Variants in GPR158 observed in about 807,000 individuals in gnomAD.
GPR158 encodes metabotropic glycine receptor.
Under a neutral mutation model 78.2 loss-of-function variants are expected in GPR158, and 30 were observed. The observed-to-expected ratio is 0.38, with a 90% CI of 0.29 to 0.52. The LOEUF is 0.52. GPR158 is among the 20% of genes least tolerant of loss of function. The pLI, the probability that GPR158 is intolerant of heterozygous loss-of-function variation, is 0.83. For missense variants in GPR158, 1,463 were observed against 1,523.5 expected, an observed-to-expected ratio of 0.96 and a Z score of 0.66; for synonymous variants, 581 against 591.1, an observed-to-expected ratio of 0.98 and a Z score of 0.25.
In GPR158 at chr10:25,597,881, G is replaced by A. The variant is rs774770845; in HGVS notation, c.2255G>A (p.Arg752His). Residue 752 changes from arginine (R) to histidine (H), a missense_variant, in exon 11 of 11, where the codon CGT (arginine) becomes CAT (histidine). Arg to His is a conservative substitution (Grantham distance 29). Coordinates refer to ENST00000376351, the MANE Select transcript of GPR158 (RefSeq NM_020752.3). ...CGGTGCTCGAAGAAGGGCCTAGGTCGTTCCATCATGAGACGCATTACGGAG... is the reference window on the plus strand; with the variant it reads ...CGGTGCTCGAAGAAGGGCCTAGGTCATTCCATCATGAGACGCATTACGGAG... ...KKRCSKKGLG[R>H]SIMRRITEIP... 98 of 1,601,670 alleles carry A rather than the reference G, an allele frequency of 6.1e-5. No individual in the cohort carries two copies. The highest frequency in any genetic ancestry group is 7.7e-5 in the Non-Finnish European group (90 of 1,174,940).
At chr10:25,319,900 G>A (rs912997468) in intron 2 of GPR158, among the ~76,000 whole-genome samples, 5 of 147,708 alleles carry the variant, frequency 3.4e-5, no homozygotes, top group African/African-American at 1.2e-4. Flanking sequence ...AATCCAACCA[G>A]GGCCCCTTGC....
chr10:25,257,460 C>G (rs1036631374), intron 2 of GPR158, among the ~76,000 whole-genome samples: 2 of 152,080 alleles, frequency 1.3e-5, no homozygotes, highest in East Asian at 3.9e-4. Context: ...TATGGGCTGC[C>G]AGAAAAAGCT....
intron 4 of GPR158, among the ~76,000 whole-genome samples, chr10:25,454,531 C>T (rs749269486): frequency 6.6e-6 from 1 of 151,970 alleles, no homozygotes; most frequent in Non-Finnish European, 1.5e-5. Context: ...AAAGGTGACA[C>T]GAAGCTATTA....
At chr10:25,302,067 C>CTT (rs200536212) in intron 2 of GPR158, among the ~76,000 whole-genome samples, 36 of 133,962 alleles carry the variant, frequency 2.7e-4, no homozygotes, top group African/African-American at 7.5e-4. Context: ...TAATTTGTTC[C>CTT]TTTTTTTTTT....
chr10:25,483,379 C>T (rs182102784), intron 5 of GPR158, among the ~76,000 whole-genome samples: 98 of 152,134 alleles, frequency 6.4e-4, no homozygotes, highest in African/African-American at 1.2e-3. Context: ...TTTCCTCCCC[C>T]CTTTCATGTC....
intron 2 of GPR158, among the ~76,000 whole-genome samples, chr10:25,342,972 C>T (rs1855324761): frequency 6.6e-6 from 1 of 151,634 alleles, no homozygotes; most frequent in African/African-American, 2.4e-5. Flanking sequence ...AGAGTTGCAT[C>T]TTCTTAGGGT....
At chr10:25,227,707 TAA>T (rs1853393027) in intron 2 of GPR158, among the ~76,000 whole-genome samples, 1 of 152,174 alleles carries the variant, frequency 6.6e-6, no homozygotes, top group Non-Finnish European at 1.5e-5. Flanking sequence ...ATTTATAATT[TAA>T]AAGATATCAT....
intron 5 of GPR158, among the ~76,000 whole-genome samples, chr10:25,490,552 T>C (rs1051713654): frequency 6.8e-6 from 1 of 147,622 alleles, no homozygotes; most frequent in African/African-American, 2.5e-5. Flanking sequence ...GTTTGGTTTT[T>C]TGTTCTTGCG....
intron 2 of GPR158, among the ~76,000 whole-genome samples, chr10:25,365,649 A>G (rs1168530405): frequency 6.6e-6 from 1 of 151,728 alleles, no homozygotes; most frequent in Admixed American, 6.6e-5. Context: ...TCTATCAAAT[A>G]AGTCATAATA....
intron 5 of GPR158, among the ~76,000 whole-genome samples, chr10:25,524,903 C>T (rs535965359): frequency 1.4e-4 from 21 of 152,162 alleles, no homozygotes; most frequent in African/African-American, 5.1e-4. Flanking sequence ...GACTTATATC[C>T]AGAATATTAC....
intron 1 of GPR158, among the ~76,000 whole-genome samples, chr10:25,206,066 A>G (rs1853024593): frequency 6.6e-6 from 1 of 151,456 alleles, no homozygotes; most frequent in African/African-American, 2.4e-5. Flanking sequence ...GCTCACTGCA[A>G]ACTCTGCCTC....
chr10:25,479,575 T>C (rs866089), intron 5 of GPR158, among the ~76,000 whole-genome samples: 104,131 of 151,850 alleles, frequency 0.69, 36,154 homozygotes, highest in East Asian at 0.99. Context: ...TCACCTCACC[T>C]GGCTAGTTTT....
intron 2 of GPR158, among the ~76,000 whole-genome samples, chr10:25,326,170 G>A (rs113918957): frequency 1.2e-4 from 18 of 152,132 alleles, no homozygotes; most frequent in South Asian, 2.1e-4. Context: ...ATTGTTCAGC[G>A]ACCATTTATA....
intron 2 of GPR158, among the ~76,000 whole-genome samples, chr10:25,266,246 C>G (rs571767870): frequency 1.3e-5 from 2 of 152,256 alleles, no homozygotes; most frequent in East Asian, 3.9e-4. Context: ...CTGAAATTTA[C>G]ATGTTTAAGT....
intron 2 of GPR158, among the ~76,000 whole-genome samples, chr10:25,338,069 T>G (rs1168467101): frequency 6.6e-6 from 1 of 151,894 alleles, no homozygotes; most frequent in Non-Finnish European, 1.5e-5. Context: ...TCTATGCAGC[T>G]TGCCTTTTCA....
rs908968126 is a variant in GPR158, at chr10:25,442,887, C to T, written c.1336-23764C>T. On this transcript the variant is annotated intron_variant, in intron 4 of 10. Transcript: ENST00000376351. ...CAACATCCTCCTTCAATTTATTCTT[C>T]ACCCCACAGCCAGAAACATGTTTTC... Among the ~76,000 whole-genome samples, 7 of 152,114 alleles carry T rather than the reference C, an allele frequency of 4.6e-5. No individual in the cohort carries two copies. In the South Asian group the frequency reaches 1.5e-3, roughly 32 times the overall value.
chr10:25,329,397 G>A (rs1235389122), intron 2 of GPR158, among the ~76,000 whole-genome samples: 3 of 150,854 alleles, frequency 2.0e-5, no homozygotes, highest in Admixed American at 6.6e-5. Context: ...CGGAGATCGC[G>A]CCACTGCACT....
intron 2 of GPR158, among the ~76,000 whole-genome samples, chr10:25,349,895 CTGGT>C (rs879658900): frequency 0.035 from 4,810 of 136,870 alleles, 536 homozygotes; most frequent in African/African-American, 0.14. Context: ...GTGATCTTTT[CTGGT>C]GAGACTAAAG....
intron 2 of GPR158, among the ~76,000 whole-genome samples, chr10:25,252,659 C>G (rs1294244708): frequency 6.6e-6 from 1 of 152,170 alleles, no homozygotes; most frequent in Non-Finnish European, 1.5e-5. Context: ...CTTGAAGAGG[C>G]AGTCTGCCGG....
Sources: gnomAD v4.1 joint callset for allele counts (sites outside exome capture counted in the v4.1 genomes callset) on GRCh38, gnomAD v4.1.1 for gene constraint, MANE v1.5 for transcripts, NCBI Gene and HGNC (gene_info 2026-07-23, HGNC 2026-07-21) for gene names.